CELF2: variants seen among roughly 807,000 people sequenced by gnomAD.
CELF2 encodes the protein CUG triplet repeat RNA-binding protein 2.
A neutral mutation model predicts 62.6 loss-of-function variants in CELF2; 8 were observed. The ratio of observed to expected loss-of-function variants is 0.13; its 90% CI spans 0.07 to 0.23. The LOEUF is 0.23. Ranked by LOEUF, CELF2 falls within the 10% of genes least tolerant of loss-of-function variation. CELF2 has a pLI of 1.00. For synonymous variants in CELF2, 258 were observed against 250.0 expected, an observed-to-expected ratio of 1.03 and a Z score of -0.30; for missense variants, 333 against 671.0, an observed-to-expected ratio of 0.50 and a Z score of 5.56.
At chr10:10,984,462 C>T (rs2052511114) in intron 2 of CELF2, among the ~76,000 whole-genome samples, 1 of 152,194 alleles carries the variant, frequency 6.6e-6, no homozygotes, top group Non-Finnish European at 1.5e-5. Context: ...GTTATGTGGA[C>T]ATAAGCCTGG....
At chr10:10,534,540 AG>A in the CELF2 span, among the ~76,000 whole-genome samples, 2 of 152,240 alleles carry the variant, frequency 1.3e-5, no homozygotes, top group Admixed American at 1.3e-4. Flanking sequence ...GAAAGGATAA[AG>A]GGAGATACAG....
At chr10:10,519,210 A>G in the CELF2 span, among the ~76,000 whole-genome samples, 2 of 152,218 alleles carry the variant, frequency 1.3e-5, no homozygotes, top group Non-Finnish European at 2.9e-5. Context: ...CTACATGTTC[A>G]TGAAGCAGAG....
intron 1 of CELF2, among the ~76,000 whole-genome samples, chr10:11,041,778 G>A (rs1401542879): frequency 2.0e-5 from 3 of 152,102 alleles, no homozygotes; most frequent in African/African-American, 7.2e-5. Flanking sequence ...AATCCCTGTG[G>A]AATTAAATCT....
chr10:10,780,815 C>A, the CELF2 span, among the ~76,000 whole-genome samples: 1 of 152,320 alleles, frequency 6.6e-6, no homozygotes, highest in East Asian at 1.9e-4. Flanking sequence ...CTTATATAAT[C>A]CCAGCCTGTG....
intron 2 of CELF2, among the ~76,000 whole-genome samples, chr10:10,932,705 T>C (rs1398682579): frequency 6.6e-6 from 1 of 152,090 alleles, no homozygotes; most frequent in Non-Finnish European, 1.5e-5. Context: ...TATATATATA[T>C]GTATGTATAA....
intron 1 of CELF2, among the ~76,000 whole-genome samples, chr10:11,133,303 A>G (rs947011328): frequency 1.3e-5 from 2 of 152,214 alleles, no homozygotes; most frequent in African/African-American, 4.8e-5. Context: ...TTACTTTAGA[A>G]TGGAATTCTT....
At chr10:10,616,447 G>A in the CELF2 span, among the ~76,000 whole-genome samples, 4 of 151,924 alleles carry the variant, frequency 2.6e-5, no homozygotes, top group Non-Finnish European at 4.4e-5. Context: ...AGAGAATCAA[G>A]GGGTTATATG....
At chr10:10,958,637 C>T (rs142576205) in intron 2 of CELF2, among the ~76,000 whole-genome samples, 1,670 of 152,006 alleles carry the variant, frequency 0.011, 26 homozygotes, top group African/African-American at 0.038. Flanking sequence ...TGAGCCCAGG[C>T]GTTCAAGACC....
At chr10:10,527,631 T>C in the CELF2 span, among the ~76,000 whole-genome samples, 2 of 152,212 alleles carry the variant, frequency 1.3e-5, no homozygotes, top group Non-Finnish European at 2.9e-5. Context: ...TATTATAATA[T>C]GGCCTGGACC....
At chr10:11,064,497 A>G (rs1048785228) in intron 1 of CELF2, among the ~76,000 whole-genome samples, 4 of 152,198 alleles carry the variant, frequency 2.6e-5, no homozygotes, top group Non-Finnish European at 5.9e-5. Flanking sequence ...AGGGAGAAAA[A>G]GTGTTTAACA....
chr10:10,922,941 T>C (rs1175187715), intron 2 of CELF2: 1 of 152,204 alleles, frequency 6.6e-6, no homozygotes, highest in African/African-American at 2.4e-5. Context: ...AATCATGTAA[T>C]GATTTGATGA....
rs2095981706 is a variant in CELF2, at chr10:11,330,365, C to T, written c.*1312C>T. 1 of 152,594 alleles carries T rather than the reference C, an allele frequency of 6.6e-6. No individual in the cohort carries two copies. Among genetic ancestry groups the T allele is most frequent in the East Asian group, 1.9e-4 (1 of 5,204 alleles). The allele number at this position is 152,594 out of a possible 1,614,324, so 9.5% of individuals were successfully genotyped here. A position where few individuals can be genotyped will look rare whatever the true frequency, so the allele number is the denominator to read the frequency against. On this transcript the variant is annotated 3_prime_UTR_variant, in exon 13 of 13. Coordinates refer to ENST00000633077, the MANE Select transcript of CELF2 (RefSeq NM_001326342.2). The surrounding 1 kb of genome is among the most constrained non-coding windows in gnomAD (Gnocchi z 4.5). ...AGACTCCCTAATGACCTAAGATTTG[C>T]ATTAGTTTTTCTCCTGCACCCTTAA... is the stretch of plus-strand genomic sequence containing the variant.
chr10:10,608,446 A>C, the CELF2 span, among the ~76,000 whole-genome samples: 1 of 152,188 alleles, frequency 6.6e-6, no homozygotes, highest in African/African-American at 2.4e-5. Flanking sequence ...ATCCTTAATT[A>C]GCTCCAAAGT....
At chr10:11,192,759 G>A (rs1286665995) in intron 2 of CELF2, among the ~76,000 whole-genome samples, 3 of 152,162 alleles carry the variant, frequency 2.0e-5, no homozygotes, top group African/African-American at 7.2e-5. Context: ...AACCCCTGGC[G>A]TGCGTTAGAA....
Position 11,260,309 on chromosome 10 carries a change from G to C in CELF2, c.538+2437G>C, listed in dbSNP as rs189374691. On this transcript the variant is annotated intron_variant, in intron 5 of 12. Transcript: ENST00000633077. The surrounding 1 kb of genome is among the most constrained non-coding windows in gnomAD (Gnocchi z 4.2). ...TTTCTGCTCCCCGTCTGCTGGCCTG[G>C]CTGATCTAGGCAGTGACTCTCTGGC... 6.6e-6 allele frequency among the ~76,000 whole-genome samples: 1 copy of C among 152,306 alleles called. No homozygotes were observed. The highest frequency in any genetic ancestry group is 1.9e-4 in the East Asian group (1 of 5,186).
intron 1 of CELF2, among the ~76,000 whole-genome samples, chr10:11,042,093 A>G (rs968838148): frequency 8.5e-5 from 13 of 152,232 alleles, no homozygotes; most frequent in African/African-American, 3.1e-4. Context: ...TAACATGAAA[A>G]GGAAAGCTGG....
intron 1 of CELF2, chr10:11,097,515 G>A (rs942723465): frequency 6.6e-6 from 1 of 152,102 alleles, no homozygotes; most frequent in Non-Finnish European, 1.5e-5. Context: ...TCTCTGCCTC[G>A]AGCCACTTGG....
rs1011462893 is a variant in CELF2, at chr10:11,314,909, G to A, written c.1096+651G>A. 6.3e-6 allele frequency: 1 copy of A among 157,564 alleles called. No individual in the cohort carries two copies. The highest frequency in any genetic ancestry group is 6.3e-5 in the Admixed American group (1 of 15,976). 9.8% of individuals were successfully genotyped at this position (157,564 alleles called of 1,614,324 possible). ...CACAGGTATGGGTCACTCTACATCA[G>A]TGACCATCCAGAGGGACATCATTTA... On this transcript the variant is annotated intron_variant, in intron 10 of 12. Transcript: ENST00000633077. The surrounding 1 kb of genome is among the most constrained non-coding windows in gnomAD (Gnocchi z 5.3).
intron 3 of CELF2, among the ~76,000 whole-genome samples, chr10:11,228,979 T>C (rs932404062): frequency 6.6e-6 from 1 of 152,204 alleles, no homozygotes; most frequent in Non-Finnish European, 1.5e-5. Context: ...AGAAAGGACC[T>C]GTGCAGGAAA....
Sources: allele counts gnomAD v4.1 joint callset (sites outside exome capture counted in the v4.1 genomes callset), GRCh38; gene constraint gnomAD v4.1.1; non-coding constraint Gnocchi (gnomAD v3.1); transcripts MANE v1.5; gene names NCBI Gene and HGNC (gene_info 2026-07-23, HGNC 2026-07-21).